Variants in SLC25A14 observed in about 807,000 individuals in gnomAD.
SLC25A14 encodes the protein solute carrier family 25 member 14.
Under a neutral mutation model 28.1 loss-of-function variants are expected in SLC25A14, and 8 were observed. The ratio of observed to expected loss-of-function variants is 0.28; its 90% CI spans 0.17 to 0.51. The LOEUF is 0.51. Ranked by LOEUF, SLC25A14 falls within the 20% of genes least tolerant of loss-of-function variation. SLC25A14 has a pLI of 0.97. For synonymous variants in SLC25A14, 74 were observed against 90.6 expected (o/e 0.82, Z 1.04); for missense variants, 135 against 263.8 (o/e 0.51, Z 3.38).
At chrX:130,368,250 A>G (rs981646101) in intron 9 of SLC25A14, among the ~76,000 whole-genome samples, 1 of 112,656 alleles carries the variant, frequency 8.9e-6, no homozygotes, top group African/African-American at 3.2e-5. Context: ...TAAGGACTGC[A>G]AAGAGTCTGT....
chrX:130,360,385 G>C (rs1370368851), intron 7 of SLC25A14, among the ~76,000 whole-genome samples: 1 of 111,244 alleles, frequency 9.0e-6, no homozygotes, highest in Admixed American at 9.6e-5. Flanking sequence ...ATCACAGCAG[G>C]AGGCACATAA....
intron 4 of SLC25A14, among the ~76,000 whole-genome samples, chrX:130,347,685 TA>T (rs1032970103): frequency 9.0e-6 from 1 of 111,513 alleles, no homozygotes; most frequent in Admixed American, 9.5e-5. Flanking sequence ...TTGATTTTTT[TA>T]AAAAAATCTT....
rs767245158 is a variant in SLC25A14, at chrX:130,346,254, AAAC to A, written c.170-285_170-283del. Among the ~76,000 whole-genome samples, 779 of 111,304 alleles carry A rather than the reference AAAC, an allele frequency of 7.0e-3. 8 individuals are homozygous for A. Among genetic ancestry groups the A allele is most frequent in the African/African-American group, 0.024 (737 of 30,689 alleles). On this transcript the variant is annotated intron_variant, in intron 3 of 10. Coordinates refer to ENST00000545805, the MANE Select transcript of SLC25A14 (RefSeq NM_001282195.2). ...GATTATATGTTACAGATGAAATAAA[AAAC>A]AACATTTAATTATTTTGCATTTATA...
chrX:130,349,302 G>T lies in SLC25A14; in HGVS notation c.369G>T (p.Gly123=). 8.3e-7 allele frequency: 1 copy of T among 1,201,201 alleles called. No individual in the cohort carries two copies. The highest frequency in any genetic ancestry group is 1.1e-6 in the Non-Finnish European group (1 of 887,689). The part of the protein sequence containing the change: ...RQASYGTIKI[G]IYQSLKRLFV... ...CATCATATGGCACCATTAAAATTGGGATTTACCAAAGCTTGAAGCGCTTAT... is the reference window on the plus strand; with the variant it reads ...CATCATATGGCACCATTAAAATTGGTATTTACCAAAGCTTGAAGCGCTTAT... Residue 123 remains glycine (G), a synonymous_variant, in exon 5 of 11, where the codon GGG becomes GGT. Transcript: ENST00000545805.
intron 6 of SLC25A14, among the ~76,000 whole-genome samples, chrX:130,352,988 G>A (rs1044800623): frequency 7.1e-5 from 8 of 111,955 alleles, no homozygotes; most frequent in Non-Finnish European, 1.5e-4. Flanking sequence ...TATTTCCCAA[G>A]GCCAATGCCC....
chrX:130,340,210 C>T lies in SLC25A14; in HGVS notation c.-69C>T. 5.0e-6 allele frequency: 6 copies of T among 1,201,927 alleles called. No individual in the cohort carries two copies. The highest frequency in any genetic ancestry group is 1.8e-5 in the South Asian group (1 of 55,172). ...CCTGGGAGGCCGCCTTCTTCAGGCG[C>T]CTCCCTTCTCTCCACGAGCTCGCTC... On this transcript the variant is annotated 5_prime_UTR_variant, in exon 2 of 11. Transcript: ENST00000545805.
chrX:130,347,004 C>A (rs2033461316), intron 4 of SLC25A14, among the ~76,000 whole-genome samples: 1 of 111,510 alleles, frequency 9.0e-6, no homozygotes, highest in Non-Finnish European at 1.9e-5. Context: ...TTTGTGATAT[C>A]CCTCCTGAGT....
chrX:130,347,084 G>A (rs187662479), intron 4 of SLC25A14, among the ~76,000 whole-genome samples: 12 of 111,031 alleles, frequency 1.1e-4, no homozygotes, highest in African/African-American at 3.9e-4. Context: ...TAAACAGAAA[G>A]TGCATAATGA....
intron 10 of SLC25A14, 128 bp from the exon 11 acceptor site, chrX:130,372,776 TAGAAA>T: frequency 1.9e-6 from 1 of 538,234 alleles, no homozygotes; most frequent in Non-Finnish European, 3.2e-6. Flanking sequence ...GGTGGTGTTT[TAGAAA>T]AGATTTTAAA....
intron 3 of SLC25A14, among the ~76,000 whole-genome samples, chrX:130,345,925 G>A (rs776889284): frequency 9.0e-6 from 1 of 111,021 alleles, no homozygotes; most frequent in African/African-American, 3.3e-5. Context: ...TGATGTAAGA[G>A]GTTTGGTTAA....
chrX:130,355,539 T>C (rs1259448277), intron 6 of SLC25A14, among the ~76,000 whole-genome samples: 1 of 111,917 alleles, frequency 8.9e-6, no homozygotes, highest in Non-Finnish European at 1.9e-5. Flanking sequence ...ATTGTCATTT[T>C]CCCCCATATA....
chrX:130,367,466 A>G (rs1452048509), intron 9 of SLC25A14, among the ~76,000 whole-genome samples: 1 of 111,740 alleles, frequency 8.9e-6, no homozygotes, highest in South Asian at 3.8e-4. Flanking sequence ...TGCATGAGGA[A>G]AATCCAGTGG....
Position 130,360,317 on chromosome X carries a change from C to T in SLC25A14, c.594+1582C>T, listed in dbSNP as rs185297482. On this transcript the variant is annotated intron_variant, in intron 7 of 10. Coordinates refer to ENST00000545805, the MANE Select transcript of SLC25A14 (RefSeq NM_001282195.2). ...TAGGGTCCATTGGCTTGATTAGATTCATGTTAAACATTTTTGGTAAGGGTG... is the reference window on the plus strand; with the variant it reads ...TAGGGTCCATTGGCTTGATTAGATTTATGTTAAACATTTTTGGTAAGGGTG... Among the ~76,000 whole-genome samples the T allele has an allele frequency of 3.8e-3, 415 of 110,581 alleles. 2 individuals carry two copies. The highest frequency in any genetic ancestry group is 0.013 in the African/African-American group (383 of 30,421).
chrX:130,346,203 G>C (rs1403788678), intron 3 of SLC25A14, among the ~76,000 whole-genome samples: 2 of 110,873 alleles, frequency 1.8e-5, no homozygotes, highest in African/African-American at 6.6e-5. Context: ...GGTGGGAAGG[G>C]GCAGGAGGGA....
At chrX:130,360,324 A>G in intron 7 of SLC25A14, among the ~76,000 whole-genome samples, 1 of 110,919 alleles carries the variant, frequency 9.0e-6, no homozygotes, top group Non-Finnish European at 1.9e-5. Context: ...ATTCATGTTA[A>G]ACATTTTTGG....
At chrX:130,363,514 T>C (rs1174449949) in intron 7 of SLC25A14, among the ~76,000 whole-genome samples, 3 of 112,186 alleles carry the variant, frequency 2.7e-5, no homozygotes, top group Non-Finnish European at 5.6e-5. Context: ...AACATTTCTG[T>C]ACACATTTTT....
At position 130,349,337 on chromosome X, in the gene SLC25A14, G is replaced by A. The variant is rs2033554805; in HGVS notation, c.404G>A (p.Arg135His). 2.6e-6 allele frequency: 3 copies of A among 1,148,427 alleles called. No homozygotes were observed. Among genetic ancestry groups the A allele is most frequent in the Non-Finnish European group, 2.4e-6 (2 of 842,096 alleles). The allele number at this position is 1,148,427 out of a possible 1,213,427, so 94.6% of individuals were successfully genotyped here. ...YQSLKRLFVE[R>H]LEDETLLINM... Reference sequence around the variant, plus strand: ...AGCTTGAAGCGCTTATTCGTAGAACGTTTAGAAGGTCAGTATACTTACCCT... The same window carrying A: ...AGCTTGAAGCGCTTATTCGTAGAACATTTAGAAGGTCAGTATACTTACCCT... Residue 135 changes from arginine to histidine, a missense_variant, in exon 5 of 11, where the codon CGT (arginine) becomes CAT (histidine). Arg to His is a conservative substitution (Grantham distance 29). Transcript: ENST00000545805.
intron 6 of SLC25A14, among the ~76,000 whole-genome samples, chrX:130,354,295 A>G (rs2033719513): frequency 9.1e-6 from 1 of 110,064 alleles, no homozygotes; most frequent in East Asian, 2.9e-4. Flanking sequence ...TTGTACTTTT[A>G]GTAGAGACGG....
intron 6 of SLC25A14, among the ~76,000 whole-genome samples, chrX:130,354,274 T>C (rs764247205): frequency 1.4e-4 from 15 of 110,051 alleles, no homozygotes; most frequent in South Asian, 1.2e-3. Context: ...CCACCACACC[T>C]GGCTAATTTT....
Sources: gnomAD v4.1 joint callset for allele counts (sites outside exome capture counted in the v4.1 genomes callset) on GRCh38, gnomAD v4.1.1 for gene constraint, MANE v1.5 for transcripts, NCBI Gene and HGNC (gene_info 2026-07-23, HGNC 2026-07-21) for gene names.